UNC5A: variants seen among roughly 807,000 people sequenced by gnomAD.
UNC5A encodes the protein unc-5 netrin receptor A, also known as netrin receptor UNC5A.
Under a neutral mutation model 87.4 loss-of-function variants are expected in UNC5A, and 20 were observed. The observed-to-expected ratio is 0.23, with a 90% confidence interval of 0.16 to 0.33. The LOEUF (loss-of-function observed/expected upper bound fraction) is 0.33, where lower values mean the gene tolerates loss of function less well. Ranked by LOEUF, UNC5A falls within the 10% of genes least tolerant of loss-of-function variation. The probability of loss-of-function intolerance (pLI) is 1.00; values close to 1 mark genes in which losing one functional copy is unlikely to be tolerated. For synonymous variants in UNC5A, 438 were observed against 482.3 expected (o/e 0.91, Z 1.20); for missense variants, 844 against 1,133.4 (o/e 0.74, Z 3.67).
chr5:176,824,474 G>T lies in UNC5A; in HGVS notation c.70+13654G>T, dbSNP rs1435002454. 2.6e-5 allele frequency among the ~76,000 whole-genome samples: 4 copies of T among 152,106 alleles called. No individual in the cohort carries two copies. Among genetic ancestry groups the T allele is most frequent in the Non-Finnish European group, 4.4e-5 (3 of 68,020 alleles). On this transcript the variant is annotated intron_variant, in intron 1 of 14. Coordinates refer to ENST00000329542, the MANE Select transcript of UNC5A (RefSeq NM_133369.3). This position sits in a 1 kb window ranked among gnomAD's most constrained non-coding sequence, Gnocchi z 4.2. ...CCGAGGATCTTAGGAGAAAGATGAT[G>T]ATGTGAGCAAAGCGCCCACCCAGAG...
Position 176,824,199 on chromosome 5 carries a change from A to G in UNC5A, c.70+13379A>G, listed in dbSNP as rs1756796694. ...ATGCAGGTTCCGACACTGGCCCAGG[A>G]CTATTTCCCCCATGTGTGGAAAGCG... On this transcript the variant is annotated intron_variant, in intron 1 of 14. Coordinates refer to ENST00000329542, the MANE Select transcript of UNC5A (RefSeq NM_133369.3). The surrounding 1 kb of genome is among the most constrained non-coding windows in gnomAD (Gnocchi z 4.2). Among the ~76,000 whole-genome samples, 1 of 152,222 alleles carries G rather than the reference A, an allele frequency of 6.6e-6. No individual in the cohort carries two copies. The highest frequency in any genetic ancestry group is 2.1e-4 in the South Asian group (1 of 4,834).
rs754134632 is a variant in UNC5A, at chr5:176,868,907, G to A, written c.664G>A (p.Val222Met). Residue 222 changes from valine to methionine, a missense_variant, in exon 5 of 15, where the codon GTG becomes ATG. Around this residue, in one of 3 missense-constraint regions of UNC5A, gnomAD observed 314 missense variants for 466.5 expected, o/e 0.67. Coordinates refer to ENST00000329542, the MANE Select transcript of UNC5A (RefSeq NM_133369.3). ...RLADTANYTC[V>M]AKNIVARRRS... ...TGCTGACACGGCCAACTACACCTGC[G>A]TGGCCAAGAACATCGTGGCACGTCG... is the stretch of plus-strand genomic sequence containing the variant. The A allele has an allele frequency of 8.1e-6, 13 of 1,612,574 alleles. No individual in the cohort carries two copies. Among genetic ancestry groups the A allele is most frequent in the Admixed American group, 1.7e-5 (1 of 59,978 alleles).
intron 10 of UNC5A, 60 bp downstream of exon 10, chr5:176,877,763 C>G (rs1055843526): frequency 6.5e-7 from 1 of 1,531,542 alleles, no homozygotes; most frequent in Non-Finnish European, 8.8e-7. Flanking sequence ...ACGCTCCACC[C>G]GGCCTTCCAC....
rs966468044 is a variant in UNC5A at position 176,879,953 on chromosome 5, G to A, written c.*67G>A. 3 of 1,531,124 alleles carry A rather than the reference G, an allele frequency of 2.0e-6. No individual in the cohort carries two copies. The highest frequency in any genetic ancestry group is 2.6e-6 in the Non-Finnish European group (3 of 1,139,414). The allele number at this position is 1,531,124 out of a possible 1,614,324, so 94.8% of individuals were successfully genotyped here. A position where few individuals can be genotyped will look rare whatever the true frequency, so the allele number is the denominator to read the frequency against. On this transcript the variant is annotated 3_prime_UTR_variant, in exon 15 of 15. Transcript: ENST00000329542. Reference sequence around the variant, plus strand: ...ACCCACCAAGGACAGGCAGAAGCCGGACAGGGGCCCTTCCCCACACCGGGG... The same window carrying A: ...ACCCACCAAGGACAGGCAGAAGCCGAACAGGGGCCCTTCCCCACACCGGGG...
At position 176,824,339 on chromosome 5, in the gene UNC5A, C is replaced by T. The variant is rs1323486901; in HGVS notation, c.70+13519C>T. Among the ~76,000 whole-genome samples the T allele has an allele frequency of 6.6e-6, 1 of 152,152 alleles. No individual in the cohort carries two copies. Among genetic ancestry groups the T allele is most frequent in the Admixed American group, 6.5e-5 (1 of 15,284 alleles). On this transcript the variant is annotated intron_variant, in intron 1 of 14. Coordinates refer to ENST00000329542, the MANE Select transcript of UNC5A (RefSeq NM_133369.3). This position sits in a 1 kb window ranked among gnomAD's most constrained non-coding sequence, Gnocchi z 4.2. ...AGGCTCTGGTCCCTGCAGCTTTTCT[C>T]AGTCCTGTGAGCTGCTGTTAACAGC...
intron 1 of UNC5A, among the ~76,000 whole-genome samples, chr5:176,860,537 T>C (rs1463733573): frequency 6.6e-6 from 1 of 152,150 alleles, no homozygotes; most frequent in Non-Finnish European, 1.5e-5. Context: ...CAAGTGACCA[T>C]GGCGAGCACA....
chr5:176,836,559 TGAG>T (rs1457139695), intron 1 of UNC5A, among the ~76,000 whole-genome samples: 150 of 151,778 alleles, frequency 9.9e-4, no homozygotes, highest in Non-Finnish European at 2.8e-4. Flanking sequence ...AGAGTTGCGA[TGAG>T]AAGGGAGCTG....
chr5:176,858,624 G>C (rs1044423407), intron 1 of UNC5A, among the ~76,000 whole-genome samples: 3 of 151,900 alleles, frequency 2.0e-5, no homozygotes, highest in African/African-American at 7.3e-5. Context: ...CTCAGGCCCT[G>C]TTGAAAGGAT....
At chr5:176,878,915 TG>T (rs1413664094) in intron 13 of UNC5A, among the ~76,000 whole-genome samples, 1 of 152,086 alleles carries the variant, frequency 6.6e-6, no homozygotes, top group Non-Finnish European at 1.5e-5. Flanking sequence ...GGCTTTGTAC[TG>T]GGCCCCAAAG....
At chr5:176,819,943 A>G (rs1756688686) in intron 1 of UNC5A, among the ~76,000 whole-genome samples, 1 of 152,258 alleles carries the variant, frequency 6.6e-6, no homozygotes, top group Admixed American at 6.5e-5. Flanking sequence ...CTGGATCAAC[A>G]CTATTTTATT....
At chr5:176,819,744 G>T (rs1480560582) in intron 1 of UNC5A, among the ~76,000 whole-genome samples, 3 of 152,222 alleles carry the variant, frequency 2.0e-5, no homozygotes, top group African/African-American at 7.2e-5. Context: ...TGCAGATTAG[G>T]TTGGGCCGGA....
intron 1 of UNC5A, among the ~76,000 whole-genome samples, chr5:176,856,164 A>T (rs112307759): frequency 2.6e-5 from 4 of 152,216 alleles, no homozygotes; most frequent in African/African-American, 9.6e-5. Flanking sequence ...ATCACACCTC[A>T]TATTTTCTGG....
chr5:176,831,154 TATCGTTCTGCA>T (rs1757012746), intron 1 of UNC5A, among the ~76,000 whole-genome samples: 1 of 152,124 alleles, frequency 6.6e-6, no homozygotes, highest in Non-Finnish European at 1.5e-5. Flanking sequence ...TAGAAGCTTT[TATCGTTCTGCA>T]GAAGCAACAT....
At chr5:176,831,883 C>CTTTTT (rs1285414321) in intron 1 of UNC5A, among the ~76,000 whole-genome samples, 21 of 115,310 alleles carry the variant, frequency 1.8e-4, no homozygotes, top group African/African-American at 7.7e-4. Flanking sequence ...CTTTCTCTCT[C>CTTTTT]TCTTTTTTTT....
At position 176,824,216 on chromosome 5, in the gene UNC5A, TG is replaced by T. The variant is rs997210065; in HGVS notation, c.70+13398del. 2.0e-5 allele frequency among the ~76,000 whole-genome samples: 3 copies of T among 152,112 alleles called. No homozygotes were observed. The highest frequency in any genetic ancestry group is 7.2e-5 in the African/African-American group (3 of 41,424). ...GGCCCAGGACTATTTCCCCCATGTG[TG>T]GAAAGCGGCCGTGGGGCTGAGGCGG... On this transcript the variant is annotated intron_variant, in intron 1 of 14. Transcript: ENST00000329542. The surrounding 1 kb of genome is among the most constrained non-coding windows in gnomAD (Gnocchi z 4.2).
intron 1 of UNC5A, among the ~76,000 whole-genome samples, chr5:176,818,024 C>T (rs1756636413): frequency 6.6e-6 from 1 of 152,064 alleles, no homozygotes; most frequent in Non-Finnish European, 1.5e-5. Context: ...TCGGCTGCCG[C>T]CCCGGGAGCG....
chr5:176,845,396 T>C (rs1360432573), intron 1 of UNC5A, among the ~76,000 whole-genome samples: 6 of 152,232 alleles, frequency 3.9e-5, no homozygotes, highest in Non-Finnish European at 7.3e-5. Context: ...GCTTTGCTTA[T>C]GCTGTTCATC....
intron 1 of UNC5A, among the ~76,000 whole-genome samples, chr5:176,837,483 G>A (rs1757174561): frequency 4.6e-5 from 7 of 152,160 alleles, no homozygotes; most frequent in Admixed American, 4.6e-4. Flanking sequence ...AGCCCTTCAG[G>A]GACCCACACC....
chr5:176,830,105 C>T (rs937808026), intron 1 of UNC5A, among the ~76,000 whole-genome samples: 2 of 152,138 alleles, frequency 1.3e-5, no homozygotes, highest in Non-Finnish European at 2.9e-5. Flanking sequence ...AAAACTTTTA[C>T]TCTTTAAAGC....
Sources: allele counts gnomAD v4.1 joint callset (sites outside exome capture counted in the v4.1 genomes callset), GRCh38; gene constraint gnomAD v4.1.1; regional missense constraint gnomAD v4.1.1; non-coding constraint Gnocchi (gnomAD v3.1); transcripts MANE v1.5; gene names NCBI Gene and HGNC (gene_info 2026-07-23, HGNC 2026-07-21).